The following VRK2 variants were observed in gnomAD, a reference collection of about 807,000 sequenced individuals.
VRK2 encodes the protein serine/threonine-protein kinase VRK2.
Under a neutral mutation model 57.6 loss-of-function variants are expected in VRK2, and 60 were observed. The ratio of observed to expected loss-of-function variants is 1.04; its 90% CI spans 0.85 to 1.29. VRK2 has a LOEUF of 1.29. Among genes scored for constraint, VRK2 ranks in the 50% most tolerant of loss-of-function variants. VRK2 has a pLI of 0.00. For missense variants in VRK2, 705 were observed against 588.1 expected, an observed-to-expected ratio of 1.20 and a Z score of -2.06; for synonymous variants, 231 against 199.2, an observed-to-expected ratio of 1.16 and a Z score of -1.35.
At chr2:57,944,891 C>T (rs548183881) in intron 1 of VRK2, among the ~76,000 whole-genome samples, 6 of 151,950 alleles carry the variant, frequency 3.9e-5, no homozygotes, top group African/African-American at 1.5e-4. Context: ...ATCCCTACAG[C>T]GTACCAGGTG....
chr2:57,942,037 C>T (rs1265594543), intron 1 of VRK2, among the ~76,000 whole-genome samples: 1 of 152,122 alleles, frequency 6.6e-6, no homozygotes, highest in African/African-American at 2.4e-5. Context: ...CTGTGATGGG[C>T]CTTCAGTTAA....
At chr2:57,915,926 G>A (rs773585920) in intron 1 of VRK2, among the ~76,000 whole-genome samples, 2 of 152,058 alleles carry the variant, frequency 1.3e-5, no homozygotes, top group Non-Finnish European at 2.9e-5. Flanking sequence ...TAGGTTGCAC[G>A]CTCCTTATGA....
chr2:58,117,729 C>T (rs1286943305), intron 7 of VRK2, among the ~76,000 whole-genome samples: 2 of 151,998 alleles, frequency 1.3e-5, no homozygotes, highest in Non-Finnish European at 2.9e-5. Flanking sequence ...GAACTACTGT[C>T]AAGTTTGTAT....
intron 2 of VRK2, among the ~76,000 whole-genome samples, chr2:58,050,339 C>G (rs1409755237): frequency 2.0e-5 from 3 of 152,152 alleles, no homozygotes; most frequent in Admixed American, 6.5e-5. Context: ...TGCTCAGTAA[C>G]TACATGTGGC....
intron 1 of VRK2, among the ~76,000 whole-genome samples, chr2:57,924,386 T>C (rs896335289): frequency 1.3e-5 from 2 of 152,048 alleles, no homozygotes; most frequent in African/African-American, 4.8e-5. Flanking sequence ...TTTGTGTGTC[T>C]TCAATTTCTT....
intron 1 of VRK2, among the ~76,000 whole-genome samples, chr2:57,938,219 C>T (rs534359571): frequency 7.9e-5 from 12 of 152,244 alleles, no homozygotes; most frequent in African/African-American, 2.9e-4. Context: ...TTTCTCTAGA[C>T]CCTAGCACAC....
chr2:57,946,078 A>G (rs1277256554), intron 1 of VRK2, among the ~76,000 whole-genome samples: 2 of 152,118 alleles, frequency 1.3e-5, no homozygotes, highest in Non-Finnish European at 2.9e-5. Flanking sequence ...TTTTACATAA[A>G]TTTGCATTAG....
chr2:58,046,576 G>T (rs923364782), upstream of VRK2: 7 of 985,548 alleles, frequency 7.1e-6, no homozygotes, highest in African/African-American at 1.0e-4. Flanking sequence ...CCAGGGTGGA[G>T]GTAGTAACAC....
At chr2:58,083,870 AAT>A (rs1671245371) in intron 2 of VRK2, among the ~76,000 whole-genome samples, 1 of 151,834 alleles carries the variant, frequency 6.6e-6, no homozygotes, top group South Asian at 2.1e-4. Flanking sequence ...TTCTGTCTCT[AAT>A]ATATTACCTC....
At chr2:58,127,932 G>C (rs1294403819) in intron 8 of VRK2, among the ~76,000 whole-genome samples, 1 of 152,066 alleles carries the variant, frequency 6.6e-6, no homozygotes, top group South Asian at 2.1e-4. Context: ...TCCTCTTTCA[G>C]TCCATTTGGT....
At chr2:57,942,007 A>G (rs1671111028) in intron 1 of VRK2, among the ~76,000 whole-genome samples, 1 of 152,210 alleles carries the variant, frequency 6.6e-6, no homozygotes, top group African/African-American at 2.4e-5. Context: ...ATTGTTCCCA[A>G]GACAATGCAT....
intron 7 of VRK2, among the ~76,000 whole-genome samples, chr2:58,108,897 A>G (rs765687662): frequency 6.6e-6 from 1 of 152,242 alleles, no homozygotes; most frequent in Non-Finnish European, 1.5e-5. Flanking sequence ...TTTGTTTTAC[A>G]TAGATCACCT....
intron 1 of VRK2, among the ~76,000 whole-genome samples, chr2:57,982,798 T>C (rs1413089702): frequency 6.6e-6 from 1 of 152,166 alleles, no homozygotes; most frequent in Non-Finnish European, 1.5e-5. Flanking sequence ...CCTAGGGCAT[T>C]ACAGTGAACA....
At chr2:57,928,826 G>A (rs1221467688) in intron 1 of VRK2, among the ~76,000 whole-genome samples, 1 of 152,200 alleles carries the variant, frequency 6.6e-6, no homozygotes, top group Admixed American at 6.5e-5. Context: ...CTACCTTGGT[G>A]GTCTTGGATA....
chr2:57,953,681 TA>T (rs888445261), intron 1 of VRK2, among the ~76,000 whole-genome samples: 1 of 152,096 alleles, frequency 6.6e-6, no homozygotes, highest in African/African-American at 2.4e-5. Flanking sequence ...TATATTTTTT[TA>T]AAGTGAGCTA....
At chr2:57,953,836 T>G (rs990447976) in intron 1 of VRK2, among the ~76,000 whole-genome samples, 1 of 152,158 alleles carries the variant, frequency 6.6e-6, no homozygotes, top group African/African-American at 2.4e-5. Flanking sequence ...TGAACTGATA[T>G]TATTATATTA....
chr2:58,047,515 G>T (rs1675017524), intron 1 of VRK2: 7 of 929,030 alleles, frequency 7.5e-6, no homozygotes, highest in Non-Finnish European at 9.0e-6. Context: ...CCCTGAGGCC[G>T]CTGCCTTGCC....
intron 1 of VRK2, among the ~76,000 whole-genome samples, chr2:57,926,998 T>TTGTGTGTGTG (rs57943937): frequency 0.022 from 3,145 of 142,736 alleles, 42 homozygotes; most frequent in Non-Finnish European, 0.03. Flanking sequence ...TTTTAATTTC[T>TTGTGTGTGTG]TGTGTGTGTG....
At chr2:58,111,424 T>G (rs565700556) in intron 7 of VRK2, among the ~76,000 whole-genome samples, 1 of 152,226 alleles carries the variant, frequency 6.6e-6, no homozygotes, top group East Asian at 1.9e-4. Flanking sequence ...GATGGCTACA[T>G]TCAGAAAAAG....
Sources: gnomAD v4.1 joint callset for allele counts (sites outside exome capture counted in the v4.1 genomes callset) on GRCh38, gnomAD v4.1.1 for gene constraint, MANE v1.5 for transcripts, NCBI Gene and HGNC (gene_info 2026-07-23, HGNC 2026-07-21) for gene names.